The following PTPRT variants were observed in gnomAD, a reference collection of about 807,000 sequenced individuals.
PTPRT encodes the protein receptor-type tyrosine-protein phosphatase T.
PTPRT carries 56 observed loss-of-function variants against 176.8 expected under a neutral mutation model. The ratio of observed to expected loss-of-function variants is 0.32; its 90% confidence interval spans 0.26 to 0.40. The LOEUF (loss-of-function observed/expected upper bound fraction) is 0.40, where lower values mean the gene tolerates loss of function less well. PTPRT is among the 10% of genes least tolerant of loss of function. The probability of loss-of-function intolerance (pLI) is 1.00; values close to 1 mark genes in which losing one functional copy is unlikely to be tolerated. For missense variants in PTPRT, 1,540 were observed against 1,908.2 expected, an observed-to-expected ratio of 0.81 and a Z score of 3.60; for synonymous variants, 783 against 739.0, an observed-to-expected ratio of 1.06 and a Z score of -0.96.
Position 42,952,293 on chromosome 20 carries a change from G to A in PTPRT, c.89-66361C>T, listed in dbSNP as rs147633533. Among the ~76,000 whole-genome samples the A allele has an allele frequency of 2.5e-3, 384 of 152,330 alleles. 3 individuals are homozygous for A. Among genetic ancestry groups the A allele is most frequent in the African/African-American group, 8.7e-3 (361 of 41,582 alleles). The stretch of plus-strand genomic sequence containing the variant: ...GCAATCACCAAAATTGAACTTTCAT[G>A]GAGCCAGAATCAAAGGGCTGCATAA... On this transcript the variant is annotated intron_variant, in intron 1 of 30. Transcript: ENST00000373187.
intron 1 of PTPRT, among the ~76,000 whole-genome samples, chr20:42,936,676 C>T (rs540118955): frequency 5.3e-5 from 8 of 152,166 alleles, no homozygotes; most frequent in South Asian, 4.1e-4. Flanking sequence ...CCAATGATGA[C>T]GTAATCTGGG....
At chr20:42,822,291 A>G (rs1318706309) in intron 2 of PTPRT, among the ~76,000 whole-genome samples, 1 of 152,218 alleles carries the variant, frequency 6.6e-6, no homozygotes, top group African/African-American at 2.4e-5. Context: ...GACAAAAACA[A>G]GCAATGGGGA....
intron 7 of PTPRT, among the ~76,000 whole-genome samples, chr20:42,584,491 C>G (rs6072801): frequency 6.6e-6 from 1 of 152,116 alleles, no homozygotes; most frequent in Non-Finnish European, 1.5e-5. Flanking sequence ...CCTTTGCATA[C>G]ATTTCAGTCA....
intron 12 of PTPRT, among the ~76,000 whole-genome samples, chr20:42,297,147 A>G (rs2057399686): frequency 6.6e-6 from 1 of 152,178 alleles, no homozygotes; most frequent in Non-Finnish European, 1.5e-5. Flanking sequence ...TACACATGGC[A>G]AAGGATACTT....
At position 42,608,868 on chromosome 20, in the gene PTPRT, G is replaced by A. The variant is rs747956155; in HGVS notation, c.1153+68998C>T. On this transcript the variant is annotated intron_variant, in intron 7 of 30. Coordinates refer to ENST00000373187, the MANE Select transcript of PTPRT (RefSeq NM_007050.6). ...ATGTGGTTCCAACTTTTCTCAAGGG[G>A]AAGGTACAGTTTTAGCCAGCCCAGA... Among the ~76,000 whole-genome samples, 10 of 152,132 alleles carry A rather than the reference G, an allele frequency of 6.6e-5. 1 individual carries two copies. Among genetic ancestry groups the A allele is most frequent in the Admixed American group, 5.2e-4 (8 of 15,270 alleles).
chr20:42,784,984 T>C (rs980496986), intron 3 of PTPRT, among the ~76,000 whole-genome samples: 1 of 152,180 alleles, frequency 6.6e-6, no homozygotes, highest in African/African-American at 2.4e-5. Context: ...CATTTCAAAA[T>C]TGCTGAAAGA....
intron 1 of PTPRT, among the ~76,000 whole-genome samples, chr20:43,146,740 CT>C (rs1170312369): frequency 2.6e-5 from 4 of 152,132 alleles, no homozygotes; most frequent in African/African-American, 9.7e-5. Context: ...AATTTGGTAT[CT>C]GAAATGCTGT....
chr20:42,633,897 TATA>T (rs2074484099), intron 7 of PTPRT, among the ~76,000 whole-genome samples: 2 of 68,144 alleles, frequency 2.9e-5, no homozygotes, highest in South Asian at 7.1e-4. Context: ...AATTATTATA[TATA>T]ATATAATATA....
chr20:42,564,955 G>A (rs946534501), intron 7 of PTPRT, among the ~76,000 whole-genome samples: 5 of 152,086 alleles, frequency 3.3e-5, no homozygotes, highest in South Asian at 2.1e-4. Flanking sequence ...GGAGGGTGCC[G>A]GAACCAATCT....
At chr20:42,750,654 A>G (rs528368011) in intron 6 of PTPRT, among the ~76,000 whole-genome samples, 34 of 152,312 alleles carry the variant, frequency 2.2e-4, no homozygotes, top group African/African-American at 8.2e-4. Flanking sequence ...TGAGTGCATA[A>G]TAGGTTGTTA....
chr20:42,800,233 C>A (rs571160403), intron 2 of PTPRT, among the ~76,000 whole-genome samples: 1 of 152,174 alleles, frequency 6.6e-6, no homozygotes, highest in Non-Finnish European at 1.5e-5. Flanking sequence ...AGCCAGGATT[C>A]AAACCTAGGA....
intron 12 of PTPRT, among the ~76,000 whole-genome samples, chr20:42,314,136 A>G (rs2057677606): frequency 6.6e-6 from 1 of 151,872 alleles, no homozygotes; most frequent in Non-Finnish European, 1.5e-5. Flanking sequence ...CACATGACAG[A>G]CTCCCTTACA....
At chr20:42,474,635 G>A (rs2071255590) in intron 7 of PTPRT, among the ~76,000 whole-genome samples, 1 of 152,216 alleles carries the variant, frequency 6.6e-6, no homozygotes, top group African/African-American at 2.4e-5. Flanking sequence ...GGAATGGAAG[G>A]TGAAATGTGG....
chr20:42,136,148 G>A (rs998131945), intron 18 of PTPRT, among the ~76,000 whole-genome samples: 2 of 151,962 alleles, frequency 1.3e-5, no homozygotes, highest in Admixed American at 1.3e-4. Context: ...CTTCAAAGAG[G>A]TGGGGCTGGG....
intron 7 of PTPRT, among the ~76,000 whole-genome samples, chr20:42,476,323 G>T (rs534247458): frequency 1.2e-3 from 187 of 152,158 alleles, no homozygotes; most frequent in African/African-American, 4.3e-3. Context: ...GAGGTGTGAG[G>T]GTGAACAAAT....
chr20:43,174,874 T>C (rs957741075), intron 1 of PTPRT, among the ~76,000 whole-genome samples: 4 of 152,244 alleles, frequency 2.6e-5, no homozygotes, highest in Non-Finnish European at 5.9e-5. Context: ...TTAATATATT[T>C]AATCTTTATC....
chr20:42,614,279 C>T (rs927061466), intron 7 of PTPRT, among the ~76,000 whole-genome samples: 1 of 152,038 alleles, frequency 6.6e-6, no homozygotes, highest in African/African-American at 2.4e-5. Flanking sequence ...ATTTGAACAC[C>T]CCCAACACAC....
At chr20:42,397,245 T>C (rs2058860085) in intron 9 of PTPRT, among the ~76,000 whole-genome samples, 1 of 152,244 alleles carries the variant, frequency 6.6e-6, no homozygotes, top group Non-Finnish European at 1.5e-5. Context: ...AAACAATTTT[T>C]TGTTTTTGTG....
intron 13 of PTPRT, among the ~76,000 whole-genome samples, chr20:42,273,892 C>A (rs995916347): frequency 6.6e-6 from 1 of 152,214 alleles, no homozygotes; most frequent in Non-Finnish European, 1.5e-5. Flanking sequence ...GGTACCTCCC[C>A]ACTCCATCCT....
Sources: gnomAD v4.1 joint callset for allele counts (sites outside exome capture counted in the v4.1 genomes callset) on GRCh38, gnomAD v4.1.1 for gene constraint, MANE v1.5 for transcripts, NCBI Gene and HGNC (gene_info 2026-07-23, HGNC 2026-07-21) for gene names.